UNC5C: variants seen among roughly 807,000 people sequenced by gnomAD.
The protein encoded by UNC5C is unc-5 netrin receptor C.
Under a neutral mutation model 99.8 loss-of-function variants are expected in UNC5C, and 47 were observed. The ratio of observed to expected loss-of-function variants is 0.47; its 90% CI spans 0.37 to 0.60. The LOEUF (loss-of-function observed/expected upper bound fraction) is 0.60. UNC5C is among the 20% of genes least tolerant of loss of function. The pLI, the probability that UNC5C is intolerant of heterozygous loss-of-function variation, is 0.00. For missense variants in UNC5C, 1,062 were observed against 1,165.9 expected, an observed-to-expected ratio of 0.91 and a Z score of 1.30; for synonymous variants, 487 against 452.2, an observed-to-expected ratio of 1.08 and a Z score of -0.98.
chr4:95,278,837 T>C (rs1160359348), intron 3 of UNC5C, among the ~76,000 whole-genome samples: 1 of 152,178 alleles, frequency 6.6e-6, no homozygotes, highest in Non-Finnish European at 1.5e-5. Flanking sequence ...GTGACTATAT[T>C]ATGTGGAATA....
chr4:95,234,523 T>C (rs1036046949), intron 7 of UNC5C, among the ~76,000 whole-genome samples: 1 of 152,190 alleles, frequency 6.6e-6, no homozygotes, highest in Non-Finnish European at 1.5e-5. Flanking sequence ...GCAATCCATG[T>C]CATTTAGTGT....
chr4:95,541,011 CA>C (rs1202334514), intron 1 of UNC5C, among the ~76,000 whole-genome samples: 1 of 151,834 alleles, frequency 6.6e-6, no homozygotes, highest in African/African-American at 2.4e-5. Flanking sequence ...TATGAAATTC[CA>C]AAAAGATATT....
intron 1 of UNC5C, among the ~76,000 whole-genome samples, chr4:95,463,063 C>T (rs1477341590): frequency 6.6e-6 from 1 of 152,184 alleles, no homozygotes; most frequent in Non-Finnish European, 1.5e-5. Flanking sequence ...CTGCCGCCCT[C>T]AAACATGCTG....
intron 14 of UNC5C, among the ~76,000 whole-genome samples, chr4:95,179,090 G>A (rs990607306): frequency 6.6e-6 from 1 of 152,130 alleles, no homozygotes; most frequent in South Asian, 2.1e-4. Context: ...TTGATGTTAT[G>A]ATTCCCTTAT....
At chr4:95,306,483 T>C (rs1009723774) in intron 2 of UNC5C, among the ~76,000 whole-genome samples, 2 of 152,308 alleles carry the variant, frequency 1.3e-5, no homozygotes, top group East Asian at 3.9e-4. Flanking sequence ...ATTACAGGCA[T>C]GAGCCACCAC....
chr4:95,281,679 A>G (rs1741064866), intron 3 of UNC5C, among the ~76,000 whole-genome samples: 1 of 152,232 alleles, frequency 6.6e-6, no homozygotes. Context: ...CTGCATTGTT[A>G]ACTTGGTACA....
chr4:95,463,235 GC>G (rs1747660588), intron 1 of UNC5C, among the ~76,000 whole-genome samples: 1 of 152,154 alleles, frequency 6.6e-6, no homozygotes, highest in Non-Finnish European at 1.5e-5. Context: ...ACGGGTGGCT[GC>G]GGGGACTGCA....
chr4:95,202,315 T>C (rs3775053), intron 12 of UNC5C, among the ~76,000 whole-genome samples: 111,504 of 152,180 alleles, frequency 0.73, 41,585 homozygotes, highest in Middle Eastern at 0.91. Flanking sequence ...AACCCGCTCC[T>C]TCACAGCCCT....
chr4:95,360,477 TAAAC>T (rs1363020060), intron 1 of UNC5C, among the ~76,000 whole-genome samples: 1 of 152,086 alleles, frequency 6.6e-6, no homozygotes, highest in Non-Finnish European at 1.5e-5. Flanking sequence ...GTGAAATAAA[TAAAC>T]AAACAGAAAA....
At chr4:95,451,154 T>C (rs1747269688) in intron 1 of UNC5C, among the ~76,000 whole-genome samples, 1 of 152,194 alleles carries the variant, frequency 6.6e-6, no homozygotes, top group South Asian at 2.1e-4. Context: ...AATCTCAACG[T>C]GGAAGTCTTG....
At chr4:95,435,447 A>G (rs1036227879) in intron 1 of UNC5C, among the ~76,000 whole-genome samples, 3 of 152,084 alleles carry the variant, frequency 2.0e-5, no homozygotes, top group African/African-American at 7.2e-5. Context: ...TATTTTAAAA[A>G]CATGAATTAC....
At chr4:95,190,929 C>T (rs2149354456) in intron 12 of UNC5C, among the ~76,000 whole-genome samples, 1 of 152,296 alleles carries the variant, frequency 6.6e-6, no homozygotes, top group Non-Finnish European at 1.5e-5. Context: ...ACAGTAGAAA[C>T]AAGCAGCTTT....
At chr4:95,518,976 G>A (rs1225069917) in intron 1 of UNC5C, among the ~76,000 whole-genome samples, 1 of 152,072 alleles carries the variant, frequency 6.6e-6, no homozygotes, top group Non-Finnish European at 1.5e-5. Context: ...TCAGAGTTGG[G>A]GTTGGGAGGG....
intron 1 of UNC5C, among the ~76,000 whole-genome samples, chr4:95,392,860 C>T (rs577376678): frequency 6.6e-6 from 1 of 152,148 alleles, no homozygotes; most frequent in South Asian, 2.1e-4. Flanking sequence ...TAATCCAATT[C>T]AGTAAACATA....
intron 1 of UNC5C, among the ~76,000 whole-genome samples, chr4:95,356,225 A>G (rs1047256522): frequency 2.2e-5 from 3 of 136,644 alleles, no homozygotes; most frequent in Non-Finnish European, 4.7e-5. Context: ...AAACAAAAAA[A>G]AAACAGATTC....
chr4:95,402,192 G>T (rs1364210174), intron 1 of UNC5C, among the ~76,000 whole-genome samples: 1 of 152,028 alleles, frequency 6.6e-6, no homozygotes, highest in Non-Finnish European at 1.5e-5. Context: ...CCTTCTAATT[G>T]ATGCCATTAT....
chr4:95,548,870 T>C lies in UNC5C; in HGVS notation c.-13A>G. ...GACCTTTCCTCATCGTAGACAGAGG[T>C]GTGCCGGGGGGAGGGGAGGGGGACA... On this transcript the variant is annotated 5_prime_UTR_variant, in exon 1 of 16. Transcript: ENST00000453304. 6 of 1,609,300 alleles carry C rather than the reference T, an allele frequency of 3.7e-6. No homozygotes were observed. The Admixed American group carries it at 8.4e-5, about 22-fold the overall frequency.
chr4:95,457,185 T>C (rs1372563610), intron 1 of UNC5C, among the ~76,000 whole-genome samples: 1 of 152,160 alleles, frequency 6.6e-6, no homozygotes, highest in African/African-American at 2.4e-5. Flanking sequence ...CAATTTGAAT[T>C]GAGAAACATT....
intron 1 of UNC5C, among the ~76,000 whole-genome samples, chr4:95,479,688 A>G (rs1192953324): frequency 1.3e-5 from 2 of 151,906 alleles, no homozygotes; most frequent in Non-Finnish European, 2.9e-5. Flanking sequence ...GTGAACATAT[A>G]TTTTTTAACC....
Sources: allele counts gnomAD v4.1 joint callset (sites outside exome capture counted in the v4.1 genomes callset), GRCh38; gene constraint gnomAD v4.1.1; transcripts MANE v1.5; gene names NCBI Gene and HGNC (gene_info 2026-07-23, HGNC 2026-07-21).